KTN1: variants seen among roughly 807,000 people sequenced by gnomAD.
KTN1 encodes kinectin.
In KTN1, 130 loss-of-function variants were observed where a neutral mutation model predicts 222.5. That is an observed-to-expected ratio of 0.58 (90% CI 0.51 to 0.68). The LOEUF (loss-of-function observed/expected upper bound fraction) is 0.68, where lower values mean the gene tolerates loss of function less well. Among genes scored for constraint, KTN1 ranks in the 30% least tolerant of loss-of-function variants. The pLI is 0.00. For missense variants in KTN1, 1,508 were observed against 1,500.4 expected (o/e 1.01, Z -0.08); for synonymous variants, 512 against 496.3 (o/e 1.03, Z -0.42).
chr14:55,657,397 G>GTTTTTTTTT (rs35297700), intron 29 of KTN1, among the ~76,000 whole-genome samples: 14 of 137,670 alleles, frequency 1.0e-4, no homozygotes, highest in African/African-American at 3.0e-4. Context: ...CTGAGTTGAC[G>GTTTTTTTTT]TTTTTTTTTT....
At chr14:55,652,644 C>T (rs112444174) in intron 25 of KTN1, among the ~76,000 whole-genome samples, 1 of 152,292 alleles carries the variant, frequency 6.6e-6, no homozygotes, top group African/African-American at 2.4e-5. Context: ...TGTGATCCGC[C>T]CGCCTTGGCC....
intron 2 of KTN1, among the ~76,000 whole-genome samples, 169 bp downstream of exon 2, chr14:55,612,740 A>G (rs1404146463): frequency 6.6e-6 from 1 of 152,120 alleles, no homozygotes; most frequent in Admixed American, 6.6e-5. Flanking sequence ...AGAAATTAGT[A>G]TTGATCATAA....
chr14:55,609,674 C>T (rs934915891), intron 1 of KTN1, among the ~76,000 whole-genome samples: 4 of 152,056 alleles, frequency 2.6e-5, no homozygotes, highest in African/African-American at 9.7e-5. Flanking sequence ...TTCCTAAAAC[C>T]TAGGTTTGTA....
intron 35 of KTN1, chr14:55,671,301 A>G (rs2045427786): frequency 2.3e-6 from 1 of 425,564 alleles, no homozygotes; most frequent in Non-Finnish European, 4.1e-6. Flanking sequence ...TTGTGACCAT[A>G]CTTCACATGT....
Position 55,644,462 on chromosome 14 carries a change from A to G in KTN1, c.2173-2511A>G, listed in dbSNP as rs1387901691. 13 of 699,118 alleles carry G rather than the reference A, an allele frequency of 1.9e-5. No homozygotes were observed. In the Admixed American group the frequency reaches 2.6e-4, roughly 14 times the overall value. 43.3% of individuals were successfully genotyped at this position (699,118 alleles called of 1,614,324 possible). A position where few individuals can be genotyped will look rare whatever the true frequency, so the allele number is the denominator to read the frequency against. On this transcript the variant is annotated intron_variant, in intron 18 of 43. Coordinates refer to ENST00000395314, the MANE Select transcript of KTN1 (RefSeq NM_001079521.2). ...GTACCAAGTAAGTTAACCTGTTGAT[A>G]CCCTAAAGGAGGGAAGGCTGCATTT...
At chr14:55,601,842 T>G (rs2036018543) in intron 1 of KTN1, 1 of 152,194 alleles carries the variant, frequency 6.6e-6, no homozygotes, top group African/African-American at 2.4e-5. Flanking sequence ...GTTCAAGTGA[T>G]TCTCATTGCC....
rs536364433 is a variant in KTN1, at chr14:55,684,265, A to C, written c.*162A>C. On this transcript the variant is annotated 3_prime_UTR_variant, in exon 44 of 44. Coordinates refer to ENST00000395314, the MANE Select transcript of KTN1 (RefSeq NM_001079521.2). ...TTAGACTACTGATTTAAAGAAGGAA[A>C]AAAAAAAGCCAACTCTGTAGACACC... 4.1e-6 allele frequency: 2 copies of C among 486,582 alleles called. No individual in the cohort carries two copies. 30.1% of individuals were successfully genotyped at this position (486,582 alleles called of 1,614,324 possible). A position where few individuals can be genotyped will look rare whatever the true frequency, so the allele number is the denominator to read the frequency against.
At chr14:55,619,387 G>A (rs567982489) in intron 5 of KTN1, 75 bp downstream of exon 5, 100 of 1,380,896 alleles carry the variant, frequency 7.2e-5, no homozygotes, top group Non-Finnish European at 9.7e-5. Context: ...TTTAGCCAGA[G>A]CAATTAATAT....
intron 1 of KTN1, chr14:55,601,942 G>C (rs1443734013): frequency 6.6e-6 from 1 of 152,072 alleles, no homozygotes; most frequent in Non-Finnish European, 1.5e-5. Flanking sequence ...TTATCATGTT[G>C]GCCAGGCTGG....
At chr14:55,591,392 A>G (rs191338455) in intron 1 of KTN1, among the ~76,000 whole-genome samples, 84 of 152,178 alleles carry the variant, frequency 5.5e-4, no homozygotes, top group African/African-American at 1.9e-3. Context: ...GAGACAAGAC[A>G]TTTTCAACTT....
At chr14:55,664,985 TC>T (rs968853840) in intron 33 of KTN1, among the ~76,000 whole-genome samples, 18 of 141,316 alleles carry the variant, frequency 1.3e-4, no homozygotes, top group African/African-American at 4.9e-4. Context: ...ATAAAATAGT[TC>T]TGTAAATTTT....
chr14:55,624,963 G>C (rs1397729619), intron 5 of KTN1, among the ~76,000 whole-genome samples: 1 of 152,212 alleles, frequency 6.6e-6, no homozygotes, highest in Non-Finnish European at 1.5e-5. Flanking sequence ...TGTCCGCTAC[G>C]AGTAAGCTTA....
chr14:55,640,335 T>A (rs1456100450), intron 14 of KTN1, 39 bp from the exon 15 acceptor site: 1 of 1,289,564 alleles, frequency 7.8e-7, no homozygotes, highest in Non-Finnish European at 1.1e-6. Flanking sequence ...TAAAATCAGT[T>A]GTATTAAGTA....
chr14:55,619,256 T>G lies in KTN1; in HGVS notation c.907T>G (p.Cys303Gly). ...TMMFSEDEAL[C>G]VVDLLKEKSG... The stretch of plus-strand genomic sequence containing the variant: ...GATGTTTTCTGAAGATGAGGCTCTT[T>G]GTGTTGTAGACTTGCTAAAGGAGAA... Residue 303 changes from cysteine (C) to glycine (G), a missense_variant, in exon 5 of 44, where the codon TGT (cysteine) becomes GGT (glycine). Cys to Gly is a radical substitution (Grantham distance 159, BLOSUM62 -3). Coordinates refer to ENST00000395314, the MANE Select transcript of KTN1 (RefSeq NM_001079521.2). 6.2e-7 allele frequency: 1 copy of G among 1,612,868 alleles called. No homozygotes were observed. The highest frequency in any genetic ancestry group is 1.7e-5 in the Admixed American group (1 of 60,024).
intron 1 of KTN1, among the ~76,000 whole-genome samples, chr14:55,608,050 T>C (rs537404541): frequency 6.6e-6 from 1 of 152,380 alleles, no homozygotes; most frequent in East Asian, 1.9e-4. Context: ...TATTGAATTG[T>C]ATACTGTGGA....
At chr14:55,671,329 A>AC in intron 35 of KTN1, 1 of 489,414 alleles carries the variant, frequency 2.0e-6, no homozygotes, top group Non-Finnish European at 3.6e-6. Context: ...CTTTGATCTT[A>AC]CCACCTGACT....
At chr14:55,672,849 G>A in intron 38 of KTN1, 80 bp from the exon 39 acceptor site, 1 of 1,178,604 alleles carries the variant, frequency 8.5e-7, no homozygotes. Flanking sequence ...ATATTCATAA[G>A]TGTCATAATT....
rs181949346 is a variant in KTN1, at chr14:55,635,703, A to C, written c.1462-746A>C. On this transcript the variant is annotated intron_variant, in intron 9 of 43. Coordinates refer to ENST00000395314, the MANE Select transcript of KTN1 (RefSeq NM_001079521.2). ...AGTATAATTCTCTATTCCTGCTTTT[A>C]TTGAAGAGGAAATTTGTTGAAAGTA... 5.3e-4 allele frequency among the ~76,000 whole-genome samples: 80 copies of C among 152,284 alleles called. 1 individual carries two copies. The highest frequency in any genetic ancestry group is 1.7e-3 in the African/African-American group (71 of 41,562).
At chr14:55,584,866 C>T (rs2032612634) in intron 1 of KTN1, among the ~76,000 whole-genome samples, 1 of 152,106 alleles carries the variant, frequency 6.6e-6, no homozygotes, top group South Asian at 2.1e-4. Context: ...GGTGTGATGA[C>T]CCACATCTGT....
Sources: gnomAD v4.1 joint callset for allele counts (sites outside exome capture counted in the v4.1 genomes callset) on GRCh38, gnomAD v4.1.1 for gene constraint, MANE v1.5 for transcripts, NCBI Gene and HGNC (gene_info 2026-07-23, HGNC 2026-07-21) for gene names.